Variants in CDH4 observed in about 807,000 individuals in gnomAD.
CDH4 encodes cadherin-4.
Under a neutral mutation model 86.0 loss-of-function variants are expected in CDH4, and 33 were observed. That is an observed-to-expected ratio of 0.38 (90% confidence interval 0.29 to 0.51). The LOEUF is 0.51. CDH4 is among the 20% of genes least tolerant of loss of function. The pLI is 0.86. For missense variants in CDH4, 1,114 were observed against 1,307.4 expected (o/e 0.85, Z 2.28); for synonymous variants, 555 against 549.4 (o/e 1.01, Z -0.14).
rs114655058 is a variant in CDH4, at chr20:61,715,659, C to T, written c.170-27904C>T. Among the ~76,000 whole-genome samples the T allele has an allele frequency of 6.7e-3, 1,026 of 152,346 alleles. 7 individuals are homozygous for T. The highest frequency in any genetic ancestry group is 0.024 in the African/African-American group (993 of 41,576). On this transcript the variant is annotated intron_variant, in intron 2 of 15. Transcript: ENST00000614565. ...TTTTAAATTTGCCTCTAGGGACAGA[C>T]ATAGGTGGCTCCCTCTGGTCTGAGA...
rs1040058151 is a variant in CDH4 at position 61,937,125 on chromosome 20, C to T, written c.*182C>T. 9.2e-6 allele frequency: 4 copies of T among 437,096 alleles called. No individual in the cohort carries two copies. The highest frequency in any genetic ancestry group is 4.1e-5 in the African/African-American group (2 of 48,920). 27.1% of individuals were successfully genotyped at this position (437,096 alleles called of 1,614,324 possible). ...ACCCACCCCCACAGCGCCCTGCACC[C>T]GGCCGCTGCCCAGCACCGCGCTGGC... On this transcript the variant is annotated 3_prime_UTR_variant, in exon 16 of 16. Coordinates refer to ENST00000614565, the MANE Select transcript of CDH4 (RefSeq NM_001794.5).
intron 2 of CDH4, among the ~76,000 whole-genome samples, chr20:61,579,769 A>G (rs143026698): frequency 6.1e-4 from 93 of 152,294 alleles, no homozygotes; most frequent in African/African-American, 2.2e-3. Flanking sequence ...ATGCAAAACT[A>G]GATGACATTT....
intron 9 of CDH4, among the ~76,000 whole-genome samples, chr20:61,912,996 C>T (rs1393484825): frequency 6.6e-6 from 1 of 152,188 alleles, no homozygotes; most frequent in Non-Finnish European, 1.5e-5. Flanking sequence ...AGGAGTGAGC[C>T]GTGAGCCCAG....
chr20:61,600,967 G>A (rs1365724703), intron 2 of CDH4, among the ~76,000 whole-genome samples: 2 of 152,128 alleles, frequency 1.3e-5, no homozygotes, highest in Non-Finnish European at 2.9e-5. Flanking sequence ...CTCCTACTCA[G>A]CCTTAGGCAC....
intron 2 of CDH4, among the ~76,000 whole-genome samples, chr20:61,373,274 G>A (rs1478850153): frequency 6.6e-6 from 1 of 152,172 alleles, no homozygotes; most frequent in Non-Finnish European, 1.5e-5. Context: ...AGCTCCTCTC[G>A]GTGAGGGCTG....
rs1267090726 is a variant in CDH4, at chr20:61,565,316, GCGGTGCTCTTGGTGA to G, written c.170-178246_170-178232del. On this transcript the variant is annotated intron_variant, in intron 2 of 15. Coordinates refer to ENST00000614565, the MANE Select transcript of CDH4 (RefSeq NM_001794.5). ...GGTGGTGGCGGTGCTCTTGGTGGTG[GCGGTGCTCTTGGTGA>G]TGGTGGTAGTGGTCCTCTTGGTGAT... Among the ~76,000 whole-genome samples the G allele has an allele frequency of 3.5e-4, 29 of 83,988 alleles. 3 individuals are homozygous for G. The highest frequency in any genetic ancestry group is 1.5e-3 in the South Asian group (3 of 1,940). The allele number at this position is 83,988 out of a possible 152,430, so 55.1% of individuals were successfully genotyped here. A position where few individuals can be genotyped will look rare whatever the true frequency, so the allele number is the denominator to read the frequency against.
At chr20:61,817,665 G>T (rs1385208187) in intron 4 of CDH4, among the ~76,000 whole-genome samples, 1 of 152,098 alleles carries the variant, frequency 6.6e-6, no homozygotes, top group Admixed American at 6.5e-5. Context: ...AGGTGTCTGC[G>T]CGTTCATCTC....
At chr20:61,728,206 T>A (rs2088137772) in intron 2 of CDH4, among the ~76,000 whole-genome samples, 1 of 152,166 alleles carries the variant, frequency 6.6e-6, no homozygotes, top group South Asian at 2.1e-4. Flanking sequence ...TGGGCTGCTG[T>A]GTTCTGCAGG....
At chr20:61,380,266 A>G (rs761522902) in intron 2 of CDH4, among the ~76,000 whole-genome samples, 32 of 152,160 alleles carry the variant, frequency 2.1e-4, no homozygotes, top group African/African-American at 7.5e-4. Flanking sequence ...CCATCTTACT[A>G]TACACATTTT....
intron 2 of CDH4, among the ~76,000 whole-genome samples, chr20:61,687,969 A>C (rs1273405586): frequency 6.6e-6 from 1 of 152,182 alleles, no homozygotes; most frequent in Non-Finnish European, 1.5e-5. Context: ...TTAACCTTGT[A>C]CTAACTTAGA....
At chr20:61,797,813 C>T (rs557996371) in intron 4 of CDH4, among the ~76,000 whole-genome samples, 4 of 152,264 alleles carry the variant, frequency 2.6e-5, no homozygotes, top group East Asian at 1.9e-4. Context: ...GACAAATGTC[C>T]GGCCAGGCCT....
At chr20:61,855,872 G>T (rs557792948) in intron 6 of CDH4, among the ~76,000 whole-genome samples, 1 of 152,176 alleles carries the variant, frequency 6.6e-6, no homozygotes, top group Non-Finnish European at 1.5e-5. Flanking sequence ...TGAGTGAAAC[G>T]TCCATGGACT....
At chr20:61,593,360 C>T (rs779857969) in intron 2 of CDH4, among the ~76,000 whole-genome samples, 90 of 152,294 alleles carry the variant, frequency 5.9e-4, no homozygotes, top group Non-Finnish European at 1.1e-3. Flanking sequence ...GGTTATACCC[C>T]GGAACTGGAA....
rs1006286094 is a variant in CDH4, at chr20:61,701,123, G to A, written c.170-42440G>A. Among the ~76,000 whole-genome samples the A allele has an allele frequency of 3.3e-5, 5 of 152,170 alleles. No homozygotes were observed. The South Asian group carries it at 1.0e-3, about 32-fold the overall frequency. ...CCAGGCCTCTCTCCTCGGCTTGCAG[G>A]TGCCATCTTCTTCCCGCATCTCTTC... On this transcript the variant is annotated intron_variant, in intron 2 of 15. Coordinates refer to ENST00000614565, the MANE Select transcript of CDH4 (RefSeq NM_001794.5).
At chr20:61,399,362 G>C (rs1308169590) in intron 2 of CDH4, among the ~76,000 whole-genome samples, 1 of 138,044 alleles carries the variant, frequency 7.2e-6, no homozygotes, top group Non-Finnish European at 1.6e-5. Context: ...TCGATCTCCT[G>C]ACCTCATGAT....
At chr20:61,563,809 G>A (rs1437454882) in intron 2 of CDH4, among the ~76,000 whole-genome samples, 3 of 152,150 alleles carry the variant, frequency 2.0e-5, no homozygotes, top group Non-Finnish European at 4.4e-5. Flanking sequence ...ATGGGCATAG[G>A]GTGCGTTATA....
chr20:61,411,990 C>T (rs912815272), intron 2 of CDH4, among the ~76,000 whole-genome samples: 4 of 152,212 alleles, frequency 2.6e-5, no homozygotes, highest in African/African-American at 7.2e-5. Context: ...GCTGCCTCAT[C>T]CAGAAGGACA....
chr20:61,463,630 G>A (rs13433309), intron 2 of CDH4, among the ~76,000 whole-genome samples: 8 of 152,230 alleles, frequency 5.3e-5, no homozygotes, highest in East Asian at 1.9e-4. Flanking sequence ...AGGAGAGGGC[G>A]GAGGGTCTCA....
At chr20:61,857,715 C>T (rs1983083043) in intron 6 of CDH4, among the ~76,000 whole-genome samples, 1 of 152,270 alleles carries the variant, frequency 6.6e-6, no homozygotes, top group African/African-American at 2.4e-5. Context: ...GAGTCACATG[C>T]AGTTGTAGGA....
Sources: allele counts gnomAD v4.1 joint callset (sites outside exome capture counted in the v4.1 genomes callset), GRCh38; gene constraint gnomAD v4.1.1; transcripts MANE v1.5; gene names NCBI Gene and HGNC (gene_info 2026-07-23, HGNC 2026-07-21).